The following AMY2A variants were observed in gnomAD, a reference collection of about 807,000 sequenced individuals.
AMY2A encodes the protein amylase alpha 2A.
In AMY2A, 16 loss-of-function variants were observed where a neutral mutation model predicts 43.0. That is an observed-to-expected ratio of 0.37 (90% CI 0.25 to 0.56). The LOEUF (loss-of-function observed/expected upper bound fraction) is 0.56. Among genes scored for constraint, AMY2A ranks in the 20% least tolerant of loss-of-function variants. The probability of loss-of-function intolerance (pLI) is 0.77; values close to 1 mark genes in which losing one functional copy is unlikely to be tolerated. For synonymous variants in AMY2A, 70 were observed against 144.6 expected (o/e 0.48, Z 3.70); for missense variants, 212 against 456.8 (o/e 0.46, Z 4.89).
Position 103,618,916 on chromosome 1 carries a change from T to C in AMY2A, c.321T>C (p.Arg107=). The part of the protein sequence containing the change: ...MVTRCNNVGV[R]IYVDAVINHM... ...GTAGAAACTTTGTTTTCTAGGTTCG[T>C]ATTTATGTGGATGCTGTAATTAATC... is the stretch of plus-strand genomic sequence containing the variant. Residue 107 remains arginine (R), a synonymous_variant, in exon 3 of 10, where the codon CGT becomes CGC. Transcript: ENST00000414303. The C allele has an allele frequency of 1.6e-6, 2 of 1,231,474 alleles. No individual in the cohort carries two copies. The highest frequency in any genetic ancestry group is 2.2e-6 in the Non-Finnish European group (2 of 896,920). The allele number at this position is 1,231,474 out of a possible 1,614,324, so 76.3% of individuals were successfully genotyped here. A position where few individuals can be genotyped will look rare whatever the true frequency, so the allele number is the denominator to read the frequency against.
rs570335695 is a variant in AMY2A, at chr1:103,619,048, C to T, written c.453C>T (p.Phe151=). The T allele has an allele frequency of 4.9e-5, 63 of 1,295,502 alleles. 1 individual carries two copies. The highest frequency in any genetic ancestry group is 2.9e-4 in the Admixed American group (10 of 34,872). The allele number at this position is 1,295,502 out of a possible 1,614,324, so 80.3% of individuals were successfully genotyped here. Residue 151 remains phenylalanine, a synonymous_variant, in exon 3 of 10, where the codon TTC becomes TTT. Transcript: ENST00000414303. ...FPAVPYSGWD[F]NDGKCKTGSG... ...CAGTCCCATATTCTGGATGGGATTT[C>T]AATGATGGTAAATGTAAAACTGGAA...
At chr1:103,617,033 A>T, upstream of AMY2A, 1 of 1,029,158 alleles carries the variant, frequency 9.7e-7, no homozygotes, top group Non-Finnish European at 1.2e-6. Context: ...ACTTACCTTG[A>T]GTTGGAAGGG....
At chr1:103,617,062 A>G (rs568998341), upstream of AMY2A, 7 of 971,764 alleles carry the variant, frequency 7.2e-6, no homozygotes, top group African/African-American at 3.4e-5. Context: ...TTATACCTGT[A>G]AAAGTATTCA....
At chr1:103,617,260 T>C (rs1653102138), upstream of AMY2A, 1 of 1,318,542 alleles carries the variant, frequency 7.6e-7, no homozygotes, top group Non-Finnish European at 1.0e-6. Context: ...TTTAGATGAT[T>C]TCCATGAGAG....
In AMY2A at chr1:103,617,978, G is replaced by C; in HGVS notation, c.193G>C (p.Ala65Pro). ...GGTCTCTCCACCAAATGAAAATGTT[G>C]CAATTTACAACCCTTTCAGACCTTG... Reference protein sequence around the residue: ...VQVSPPNENVAIYNPFRPWWE... With the variant: ...VQVSPPNENVPIYNPFRPWWE... Residue 65 changes from alanine (A) to proline (P), a missense_variant, in exon 2 of 10, where the codon GCA becomes CCA. Physicochemically the swap from Ala to Pro is conservative, Grantham distance 27. Transcript: ENST00000414303. 3 of 1,600,514 alleles carry C rather than the reference G, an allele frequency of 1.9e-6. No individual in the cohort carries two copies. The highest frequency in any genetic ancestry group is 2.6e-6 in the Non-Finnish European group (3 of 1,170,640).
chr1:103,619,889 T>C, intron 4 of AMY2A, 105 bp downstream of exon 4: 1 of 1,516,332 alleles, frequency 6.6e-7, no homozygotes, highest in South Asian at 1.1e-5. Context: ...AATGAGACAT[T>C]TACATAAAAC....
intron 2 of AMY2A, among the ~76,000 whole-genome samples, chr1:103,618,371 C>T (rs988592086): frequency 2.7e-5 from 4 of 150,636 alleles, no homozygotes; most frequent in Non-Finnish European, 4.5e-5. Flanking sequence ...GTTCGTATTT[C>T]CCGGAAACAA....
Position 103,619,295 on chromosome 1 carries a change from T to A in AMY2A, c.513+187T>A, listed in dbSNP as rs184134778. Reference sequence around the variant, plus strand: ...CTTTCAAATATTGATTTAAGATTTTTAATCAATACACATTTGCCCACTTCT... The same window carrying A: ...CTTTCAAATATTGATTTAAGATTTTAAATCAATACACATTTGCCCACTTCT... On this transcript the variant is annotated intron_variant, in intron 3 of 9. Coordinates refer to ENST00000414303, the MANE Select transcript of AMY2A (RefSeq NM_000699.4). 1.2e-4 allele frequency among the ~76,000 whole-genome samples: 18 copies of A among 150,446 alleles called. No individual in the cohort carries two copies. The East Asian group carries it at 2.1e-3, about 18-fold the overall frequency.
chr1:103,617,482 G>T lies in AMY2A; in HGVS notation c.42G>T (p.Trp14Cys). The T allele has an allele frequency of 6.2e-7, 1 of 1,600,580 alleles. No homozygotes were observed. Among genetic ancestry groups the T allele is most frequent in the Non-Finnish European group, 8.5e-7 (1 of 1,170,724 alleles). The change falls in exon 1 of 10, where the codon TGG (tryptophan) becomes TGT (cysteine). Residue 14 changes from tryptophan (W) to cysteine (C), a missense_variant. Trp to Cys is a radical substitution (Grantham distance 215). Coordinates refer to ENST00000414303, the MANE Select transcript of AMY2A (RefSeq NM_000699.4). ...TGCTTTTCACCATTGGGTTCTGCTGGGCTCAGTATTCCCCAAATACACAAC... is the reference window on the plus strand; with the variant it reads ...TGCTTTTCACCATTGGGTTCTGCTGTGCTCAGTATTCCCCAAATACACAAC... ...FLLLFTIGFC[W>C]AQYSPNTQQG...
upstream of AMY2A, chr1:103,617,295 A>G: frequency 1.4e-6 from 2 of 1,455,296 alleles, no homozygotes; most frequent in South Asian, 2.6e-5. Flanking sequence ...TTTACCTGTT[A>G]GGATTATTAT....
intron 2 of AMY2A, among the ~76,000 whole-genome samples, chr1:103,618,421 C>T (rs1444859595): frequency 4.0e-5 from 6 of 150,698 alleles, no homozygotes; most frequent in Admixed American, 2.7e-4. Context: ...ACAATGTTTG[C>T]TATCATTTTT....
chr1:103,617,573 C>T lies in AMY2A; in HGVS notation c.133C>T (p.Arg45Ter), dbSNP rs182106305. 22 of 1,600,496 alleles carry T rather than the reference C, an allele frequency of 1.4e-5. 1 individual carries two copies. The highest frequency in any genetic ancestry group is 5.4e-5 in the African/African-American group (4 of 74,540). ...RWVDIALECE[R>*]YLAPKGFGGV... ...GGTTGATATTGCTCTTGAATGTGAGCGATATTTAGCTCCGAAGGGATTTGG... is the reference window on the plus strand; with the variant it reads ...GGTTGATATTGCTCTTGAATGTGAGTGATATTTAGCTCCGAAGGGATTTGG... The change falls in exon 1 of 10, where the codon CGA (arginine) becomes TGA (stop). Residue 45 changes from arginine to a stop codon, truncating the protein, a stop_gained. Transcript: ENST00000414303. LOFTEE classifies it high-confidence loss of function.
chr1:103,616,907 G>A, upstream of AMY2A: 1 of 831,352 alleles, frequency 1.2e-6, no homozygotes. Flanking sequence ...AGGCTGGTAA[G>A]GGCTTCTGGA....
At position 103,619,546 on chromosome 1, in the gene AMY2A, C is replaced by T; in HGVS notation, c.514-8C>T. On this transcript the variant is annotated splice_region_variant and splice_polypyrimidine_tract_variant and intron_variant, in intron 3 of 9. Transcript: ENST00000414303. ...TATGAATCAATCATAACATTTTTAC[C>T]TCAACAGGTCAGAGATTGTCGTCTG... is the stretch of plus-strand genomic sequence containing the variant. The T allele has an allele frequency of 6.2e-7, 1 of 1,605,632 alleles. No homozygotes were observed. The highest frequency in any genetic ancestry group is 8.5e-7 in the Non-Finnish European group (1 of 1,173,380).
chr1:103,617,662 G>C lies in AMY2A; in HGVS notation c.168+54G>C, dbSNP rs1653115817. Reference sequence around the variant, plus strand: ...GAATTCACTGTGCTTGTAGGAAATAGTATTCTGATCTTATCTGTGAAGCTT... The same window carrying C: ...GAATTCACTGTGCTTGTAGGAAATACTATTCTGATCTTATCTGTGAAGCTT... On this transcript the variant is annotated intron_variant, in intron 1 of 9. Coordinates refer to ENST00000414303, the MANE Select transcript of AMY2A (RefSeq NM_000699.4). 3.7e-6 allele frequency: 6 copies of C among 1,600,466 alleles called. No homozygotes were observed. In the African/African-American group the frequency reaches 4.0e-5, roughly 11 times the overall value.
intron 2 of AMY2A, among the ~76,000 whole-genome samples, chr1:103,618,569 C>A (rs1255557233): frequency 6.6e-6 from 1 of 150,712 alleles, no homozygotes; most frequent in Admixed American, 6.6e-5. Context: ...TACAGGCTTT[C>A]TCCTGGTGAC....
chr1:103,618,199 T>A, intron 2 of AMY2A, 99 bp downstream of exon 2: 1 of 1,475,974 alleles, frequency 6.8e-7, no homozygotes, highest in Non-Finnish European at 9.1e-7. Flanking sequence ...CCGTATTTTA[T>A]TTTTTTAATT....
chr1:103,618,476 G>C (rs554311292), intron 2 of AMY2A, among the ~76,000 whole-genome samples: 1 of 150,838 alleles, frequency 6.6e-6, no homozygotes, highest in Non-Finnish European at 1.5e-5. Flanking sequence ...TTTTCATGGT[G>C]AATAGCTAGC....
At chr1:103,617,426 C>A (rs773057460), upstream of AMY2A, 25 of 1,597,336 alleles carry the variant, frequency 1.6e-5, 1 homozygote, top group Admixed American at 6.7e-5. Flanking sequence ...AGGACACTGA[C>A]AACTTCAAAG....
Sources: gnomAD v4.1 joint callset for allele counts (sites outside exome capture counted in the v4.1 genomes callset) on GRCh38, gnomAD v4.1.1 for gene constraint, MANE v1.5 for transcripts, NCBI Gene and HGNC (gene_info 2026-07-23, HGNC 2026-07-21) for gene names.